ABCA1: variants seen among roughly 807,000 people sequenced by gnomAD.
The protein encoded by ABCA1 is phospholipid-transporting ATPase ABCA1.
A neutral mutation model predicts 262.5 loss-of-function variants in ABCA1; 133 were observed. The observed-to-expected ratio is 0.51, with a 90% CI of 0.44 to 0.59. The LOEUF (loss-of-function observed/expected upper bound fraction) is 0.59, where lower values mean the gene tolerates loss of function less well. Ranked by LOEUF, ABCA1 falls within the 20% of genes least tolerant of loss-of-function variation. ABCA1 has a pLI of 0.00. For missense variants in ABCA1, 2,452 were observed against 2,777.5 expected (o/e 0.88, Z 2.63); for synonymous variants, 1,022 against 1,043.5 (o/e 0.98, Z 0.40).
chr9:104,791,993 A>C lies in ABCA1; in HGVS notation c.5763T>G (p.Tyr1921Ter). Residue 1921 changes from tyrosine to a stop codon, truncating the protein, a stop_gained, in exon 43 of 50, where the codon TAT becomes TAG. Coordinates refer to ENST00000374736, the MANE Select transcript of ABCA1 (RefSeq NM_005502.4). LOFTEE classifies it high-confidence loss of function. ...ILEIKELTKI[Y>*]RRKRKPAVDR... ...CAACAGCAGGCTTCCGCTTCCTTCT[A>C]TATATCTGCAACAAACAAAATGTAA... 10 of 1,612,998 alleles carry C rather than the reference A, an allele frequency of 6.2e-6. No individual in the cohort carries two copies. The highest frequency in any genetic ancestry group is 8.5e-6 in the Non-Finnish European group (10 of 1,179,608).
intron 43 of ABCA1, among the ~76,000 whole-genome samples, chr9:104,791,508 C>T (rs1403274505): frequency 7.5e-6 from 1 of 134,142 alleles, no homozygotes; most frequent in Non-Finnish European, 1.5e-5. Context: ...ATCTGGGCAA[C>T]CTCCCCCTCC....
chr9:104,791,052 A>G (rs2118855482), intron 43 of ABCA1, 24 bp from the exon 44 acceptor site: 1 of 1,552,550 alleles, frequency 6.4e-7, no homozygotes, highest in East Asian at 2.2e-5. Flanking sequence ...ATTAAGTTGT[A>G]TAAGCAAACT....
intron 5 of ABCA1, among the ~76,000 whole-genome samples, chr9:104,878,718 C>A (rs766964415): frequency 1.3e-5 from 2 of 152,128 alleles, no homozygotes; most frequent in Non-Finnish European, 2.9e-5. Context: ...ACAGAATCAA[C>A]TAATTTATCT....
intron 34 of ABCA1, 114 bp downstream of exon 34, chr9:104,801,940 C>CCGT: frequency 1.0e-6 from 1 of 967,670 alleles, no homozygotes; most frequent in Non-Finnish European, 1.7e-6. Context: ...GCTCTGTATG[C>CCGT]CAACATATTC....
intron 18 of ABCA1, among the ~76,000 whole-genome samples, 175 bp from the exon 19 acceptor site, chr9:104,822,842 G>A (rs1313393146): frequency 6.6e-6 from 1 of 152,160 alleles, no homozygotes; most frequent in Non-Finnish European, 1.5e-5. Context: ...GGGTACTGAT[G>A]TTGGTGATGG....
At chr9:104,882,067 G>C (rs76484615) in intron 5 of ABCA1, among the ~76,000 whole-genome samples, 2,650 of 103,126 alleles carry the variant, frequency 0.026, 54 homozygotes, top group Middle Eastern at 0.042. Flanking sequence ...ACTCAAATCT[G>C]AGTCTGGTTT....
Position 104,818,785 on chromosome 9 carries a change from A to G in ABCA1, c.3340T>C (p.Ser1114Pro). Residue 1114 changes from serine to proline, a missense_variant, in exon 23 of 50, where the codon TCC becomes CCC. Ser to Pro is a moderately conservative substitution (Grantham distance 74). Transcript: ENST00000374736. ...AGCTGGTTCTTCAGAAACAGGGAGG[A>G]GCCCACACAGCACAGCTTCCCATGG... ...ISHGKLCCVG[S>P]SLFLKNQLGT... 1 of 1,614,042 alleles carries G rather than the reference A, an allele frequency of 6.2e-7. No homozygotes were observed. The highest frequency in any genetic ancestry group is 8.5e-7 in the Non-Finnish European group (1 of 1,180,024).
intron 36 of ABCA1, 32 bp downstream of exon 36, chr9:104,799,787 C>T (rs772156948): frequency 6.2e-7 from 1 of 1,614,112 alleles, no homozygotes; most frequent in African/African-American, 1.3e-5. Flanking sequence ...TCCCTTGCCC[C>T]ACTCCATCTA....
chr9:104,877,396 C>T (rs1024398095), intron 5 of ABCA1, among the ~76,000 whole-genome samples: 8 of 152,214 alleles, frequency 5.3e-5, no homozygotes, highest in African/African-American at 1.7e-4. Flanking sequence ...ATGAGCAAGG[C>T]GCCCACCTTG....
At chr9:104,844,036 A>C (rs1391530361) in intron 8 of ABCA1, among the ~76,000 whole-genome samples, 1 of 150,728 alleles carries the variant, frequency 6.6e-6, no homozygotes, top group Admixed American at 6.6e-5. Context: ...AGAAAAAAAA[A>C]AAAAACCAGG....
intron 1 of ABCA1, among the ~76,000 whole-genome samples, chr9:104,904,799 G>C (rs1161353344): frequency 6.6e-6 from 1 of 152,084 alleles, no homozygotes; most frequent in East Asian, 1.9e-4. Flanking sequence ...AAGCTCCCAT[G>C]GTCAGCACAT....
In ABCA1 at chr9:104,814,109, C is replaced by T. The variant is rs1831517199; in HGVS notation, c.3901+9G>A. On this transcript the variant is annotated intron_variant, in intron 27 of 49. Coordinates refer to ENST00000374736, the MANE Select transcript of ABCA1 (RefSeq NM_005502.4). Reference sequence around the variant, plus strand: ...CAGTAGGACACTGTTTGATCTTGCCCTAACAGACCTGGGTCTATGTCAGAA... The same window carrying T: ...CAGTAGGACACTGTTTGATCTTGCCTTAACAGACCTGGGTCTATGTCAGAA... 6.2e-7 allele frequency: 1 copy of T among 1,613,370 alleles called. No individual in the cohort carries two copies. Among genetic ancestry groups the T allele is most frequent in the Non-Finnish European group, 8.5e-7 (1 of 1,179,638 alleles).
At chr9:104,816,063 T>G in intron 25 of ABCA1, 80 bp downstream of exon 25, 1 of 1,465,130 alleles carries the variant, frequency 6.8e-7, no homozygotes, top group Non-Finnish European at 9.6e-7. Context: ...ATGATAATCC[T>G]GCTCCCAATG....
intron 1 of ABCA1, among the ~76,000 whole-genome samples, chr9:104,913,277 A>G (rs1428077569): frequency 6.6e-6 from 1 of 152,208 alleles, no homozygotes; most frequent in Non-Finnish European, 1.5e-5. Flanking sequence ...TAATTGTTTC[A>G]GCAGGAAGAA....
At chr9:104,911,502 G>A (rs1351452213) in intron 1 of ABCA1, among the ~76,000 whole-genome samples, 1 of 152,176 alleles carries the variant, frequency 6.6e-6, no homozygotes, top group East Asian at 1.9e-4. Context: ...CTGTGGGGGT[G>A]GGAGGGGATA....
intron 1 of ABCA1, among the ~76,000 whole-genome samples, chr9:104,915,192 T>A (rs2118504515): frequency 6.6e-6 from 1 of 152,330 alleles, no homozygotes; most frequent in African/African-American, 2.4e-5. Context: ...TTCTAGTTCA[T>A]ACAGTATCGG....
chr9:104,914,613 A>G (rs541935522), intron 1 of ABCA1, among the ~76,000 whole-genome samples: 14 of 152,238 alleles, frequency 9.2e-5, no homozygotes, highest in Admixed American at 1.3e-4. Context: ...TAAATTAAGC[A>G]ATGTGCAACA....
chr9:104,788,158 T>C (rs1829090893), intron 45 of ABCA1, 104 bp from the exon 46 acceptor site: 12 of 1,328,182 alleles, frequency 9.0e-6, no homozygotes, highest in African/African-American at 1.5e-5. Flanking sequence ...AGGACTAGAT[T>C]CTATAATCAT....
intron 1 of ABCA1, among the ~76,000 whole-genome samples, chr9:104,906,547 C>T (rs1019899458): frequency 2.6e-5 from 4 of 152,096 alleles, no homozygotes; most frequent in Admixed American, 1.3e-4. Flanking sequence ...GCTTCCTGCT[C>T]CAATTCCTCC....
Sources: gnomAD v4.1 joint callset for allele counts (sites outside exome capture counted in the v4.1 genomes callset) on GRCh38, gnomAD v4.1.1 for gene constraint, MANE v1.5 for transcripts, NCBI Gene and HGNC (gene_info 2026-07-23, HGNC 2026-07-21) for gene names.